The following TVP23A variants were observed in gnomAD, a reference collection of about 807,000 sequenced individuals.
TVP23A encodes Golgi apparatus membrane protein TVP23 homolog A.
TVP23A carries 21 observed loss-of-function variants against 31.7 expected under a neutral mutation model. The ratio of observed to expected loss-of-function variants is 0.66; its 90% CI spans 0.47 to 0.95. The LOEUF is 0.95. Ranked by LOEUF, TVP23A falls within the 40% of genes least tolerant of loss-of-function variation. The pLI is 0.00. For synonymous variants in TVP23A, 104 were observed against 96.0 expected, an observed-to-expected ratio of 1.08 and a Z score of -0.49; for missense variants, 279 against 255.6, an observed-to-expected ratio of 1.09 and a Z score of -0.62.
downstream of TVP23A, among the ~76,000 whole-genome samples, chr16:10,759,846 C>T (rs1900822865): frequency 1.3e-5 from 2 of 152,308 alleles, no homozygotes; most frequent in Admixed American, 6.5e-5. This position sits in a 1 kb window ranked among gnomAD's most constrained non-coding sequence, Gnocchi z 4.7. Flanking sequence ...CCCCTTCCTC[C>T]GCATCCCAGC....
At chr16:10,764,241 T>C (rs2030493515), downstream of TVP23A, among the ~76,000 whole-genome samples, 1 of 152,278 alleles carries the variant, frequency 6.6e-6, no homozygotes, top group African/African-American at 2.4e-5. Context: ...TGGGAGCATC[T>C]TAGCCTGCTG....
At chr16:10,761,929 A>AG, downstream of TVP23A, 1 of 1,228,468 alleles carries the variant, frequency 8.1e-7, no homozygotes, top group Non-Finnish European at 1.2e-6. Flanking sequence ...CGGGCACAAC[A>AG]GGGGGCGGCT....
intron 7 of TVP23A, chr16:10,769,387 G>A: frequency 2.7e-6 from 1 of 375,434 alleles, no homozygotes; most frequent in Non-Finnish European, 4.8e-6. Flanking sequence ...AAACAAATGG[G>A]TTGTGGGATC....
At chr16:10,790,279 A>ATTTTTTTTTTTTTTTTTTTTTTTTTTTT (rs376916439) in intron 2 of TVP23A, among the ~76,000 whole-genome samples, 3 of 114,536 alleles carry the variant, frequency 2.6e-5, no homozygotes, top group Non-Finnish European at 5.2e-5. Context: ...TTGGGGTAAA[A>ATTTTTTTTTTTTTTTTTTTTTTTTTTTT]TTTTTTTTTT....
chr16:10,818,668 C>T lies in TVP23A; in HGVS notation c.-175G>A. The T allele has an allele frequency of 1.9e-5, 14 of 727,002 alleles. No individual in the cohort carries two copies. Among genetic ancestry groups the T allele is most frequent in the Non-Finnish European group, 2.7e-5 (13 of 486,192 alleles). The allele number at this position is 727,002 out of a possible 1,614,324, so 45.0% of individuals were successfully genotyped here. A position where few individuals can be genotyped will look rare whatever the true frequency, so the allele number is the denominator to read the frequency against. ...GCAGCTTCTCGGGTGGGGCGGGGCGCTCGGGGCCTAAGGCGCAGTCGCAGG... is the reference window on the plus strand; with the variant it reads ...GCAGCTTCTCGGGTGGGGCGGGGCGTTCGGGGCCTAAGGCGCAGTCGCAGG... On this transcript the variant is annotated 5_prime_UTR_variant, in exon 1 of 8. Coordinates refer to ENST00000299866, the MANE Select transcript of TVP23A (RefSeq NM_001079512.4). This position sits in a 1 kb window ranked among gnomAD's most constrained non-coding sequence, Gnocchi z 4.7.
Position 10,770,260 on chromosome 16 carries a change from TC to T in TVP23A, c.*11del. ...CAGTTCCTCCACACGGGTGCCATGA[TC>T]CATTTCTCACCTAATGCTGGTGAAT... is the stretch of plus-strand genomic sequence containing the variant. On this transcript the variant is annotated intron_variant, in intron 7 of 7. Transcript: ENST00000299866. The T allele has an allele frequency of 6.4e-7, 1 of 1,550,722 alleles. No individual in the cohort carries two copies. The highest frequency in any genetic ancestry group is 8.7e-7 in the Non-Finnish European group (1 of 1,146,756).
chr16:10,809,273 G>A (rs574461400), intron 2 of TVP23A, among the ~76,000 whole-genome samples: 175 of 152,168 alleles, frequency 1.2e-3, no homozygotes, highest in African/African-American at 4.1e-3. Context: ...CAAGTTCAAG[G>A]TCACTGTGAG....
chr16:10,818,160 T>C lies in TVP23A; in HGVS notation c.32A>G (p.Asp11Gly), dbSNP rs765333869. 4 of 1,607,414 alleles carry C rather than the reference T, an allele frequency of 2.5e-6. No individual in the cohort carries two copies. The South Asian group carries it at 4.5e-5, about 18-fold the overall frequency. The change falls in exon 2 of 8, where the codon GAT becomes GGT. Residue 11 changes from aspartate (D) to glycine (G), a missense_variant. Coordinates refer to ENST00000299866, the MANE Select transcript of TVP23A (RefSeq NM_001079512.4). This position sits in a 1 kb window ranked among gnomAD's most constrained non-coding sequence, Gnocchi z 4.7. The part of the protein sequence containing the change: MKQALVDDTE[D>G]VSLDFGNEEE... ...CTCGTTTCCAAAGTCCAGGGACACATCCTCGGTATCGTCCACCAGGGCCTG... is the reference window on the plus strand; with the variant it reads ...CTCGTTTCCAAAGTCCAGGGACACACCCTCGGTATCGTCCACCAGGGCCTG...
Position 10,818,226 on chromosome 16 carries a change from A to G in TVP23A, c.10-44T>C. The G allele has an allele frequency of 6.6e-7, 1 of 1,514,936 alleles. No individual in the cohort carries two copies. Among genetic ancestry groups the G allele is most frequent in the Non-Finnish European group, 9.0e-7 (1 of 1,112,540 alleles). The allele number at this position is 1,514,936 out of a possible 1,614,324, so 93.8% of individuals were successfully genotyped here. On this transcript the variant is annotated intron_variant, in intron 1 of 7. Transcript: ENST00000299866. The surrounding 1 kb of genome is among the most constrained non-coding windows in gnomAD (Gnocchi z 4.7). ...CAGGTGGCAGGCCCAAGCACGGCGC[A>G]CACCCCAACCCCACCCGCCCTGTCC...
At chr16:10,797,568 A>G (rs116320871) in intron 2 of TVP23A, among the ~76,000 whole-genome samples, 8,786 of 150,106 alleles carry the variant, frequency 0.059, 708 homozygotes, top group African/African-American at 0.19. Context: ...AAAAAAAATG[A>G]TTCTTATCAA....
chr16:10,818,437 T>C lies in TVP23A; in HGVS notation c.9+48A>G. The C allele has an allele frequency of 6.3e-7, 1 of 1,590,486 alleles. No homozygotes were observed. The highest frequency in any genetic ancestry group is 1.1e-5 in the South Asian group (1 of 88,044). ...CGGCTTCTCCAGCGCTCCCGCAGGCTCCCCTCGTCCCGCCCCGCCTCCAGC... is the reference window on the plus strand; with the variant it reads ...CGGCTTCTCCAGCGCTCCCGCAGGCCCCCCTCGTCCCGCCCCGCCTCCAGC... On this transcript the variant is annotated intron_variant, in intron 1 of 7. Coordinates refer to ENST00000299866, the MANE Select transcript of TVP23A (RefSeq NM_001079512.4). The surrounding 1 kb of genome is among the most constrained non-coding windows in gnomAD (Gnocchi z 4.7).
chr16:10,802,296 G>C lies in TVP23A; in HGVS notation c.89+15807C>G, dbSNP rs564901222. 2.0e-5 allele frequency among the ~76,000 whole-genome samples: 3 copies of C among 150,378 alleles called. No individual in the cohort carries two copies. The East Asian group carries it at 5.9e-4, about 30-fold the overall frequency. On this transcript the variant is annotated intron_variant, in intron 2 of 7. Coordinates refer to ENST00000299866, the MANE Select transcript of TVP23A (RefSeq NM_001079512.4). ...TGTGTGTGTGTGTGTATATGTGTGT[G>C]TGTGTCAGAGTCTCATTCTGTCACC...
downstream of TVP23A, among the ~76,000 whole-genome samples, chr16:10,760,744 A>G (rs1408300518): frequency 6.6e-6 from 1 of 152,146 alleles, no homozygotes; most frequent in Non-Finnish European, 1.5e-5. Context: ...CTAAAAAAAA[A>G]AGTCATTTTC....
chr16:10,809,362 C>T (rs58817852), intron 2 of TVP23A, among the ~76,000 whole-genome samples: 4 of 152,310 alleles, frequency 2.6e-5, no homozygotes, highest in African/African-American at 4.8e-5. Context: ...AGAGGCTCCA[C>T]GAGGACTGTT....
In TVP23A at chr16:10,818,671, G is replaced by C. The variant is rs1186217648; in HGVS notation, c.-178C>G. ...GCTTCTCGGGTGGGGCGGGGCGCTC[G>C]GGGCCTAAGGCGCAGTCGCAGGCTG... is the stretch of plus-strand genomic sequence containing the variant. On this transcript the variant is annotated 5_prime_UTR_variant, in exon 1 of 8. Coordinates refer to ENST00000299866, the MANE Select transcript of TVP23A (RefSeq NM_001079512.4). The surrounding 1 kb of genome is among the most constrained non-coding windows in gnomAD (Gnocchi z 4.7). 1 of 685,874 alleles carries C rather than the reference G, an allele frequency of 1.5e-6. No individual in the cohort carries two copies. Among genetic ancestry groups the C allele is most frequent in the Admixed American group, 4.0e-5 (1 of 24,796 alleles). 42.5% of individuals were successfully genotyped at this position (685,874 alleles called of 1,614,324 possible).
At chr16:10,811,898 C>T (rs866186689) in intron 2 of TVP23A, among the ~76,000 whole-genome samples, 8 of 130,044 alleles carry the variant, frequency 6.2e-5, no homozygotes, top group Admixed American at 4.9e-4. Flanking sequence ...AGCAAGACTC[C>T]GTCTCAAAAA....
chr16:10,806,046 A>G (rs2142999999), intron 2 of TVP23A, among the ~76,000 whole-genome samples: 1 of 152,302 alleles, frequency 6.6e-6, no homozygotes, highest in East Asian at 1.9e-4. Flanking sequence ...AAATAAATGA[A>G]TGATTAAATA....
chr16:10,786,349 G>A (rs1473949478), intron 2 of TVP23A, among the ~76,000 whole-genome samples: 2 of 152,090 alleles, frequency 1.3e-5, no homozygotes, highest in Admixed American at 6.6e-5. Context: ...TGAGTCAGGA[G>A]GATCACTTGA....
downstream of TVP23A, chr16:10,762,137 C>G (rs1039219672): frequency 5.7e-4 from 177 of 310,054 alleles, 1 homozygote; most frequent in Non-Finnish European, 9.7e-5. Context: ...TGGCAGGGGA[C>G]TGAGGAGGGC....
Sources: gnomAD v4.1 joint callset for allele counts (sites outside exome capture counted in the v4.1 genomes callset) on GRCh38, gnomAD v4.1.1 for gene constraint, Gnocchi (gnomAD v3.1) non-coding constraint, MANE v1.5 for transcripts, NCBI Gene and HGNC (gene_info 2026-07-23, HGNC 2026-07-21) for gene names.